Variants in CACNA1C observed in about 807,000 individuals in gnomAD.
CACNA1C encodes the protein calcium voltage-gated channel subunit alpha1 C.
A neutral mutation model predicts 229.0 loss-of-function variants in CACNA1C; 30 were observed. The observed-to-expected ratio is 0.13, with a 90% CI of 0.10 to 0.18. CACNA1C has a LOEUF of 0.18. Among genes scored for constraint, CACNA1C ranks in the 10% least tolerant of loss-of-function variants. CACNA1C has a pLI of 1.00. For synonymous variants in CACNA1C, 1,114 were observed against 1,132.5 expected (o/e 0.98, Z 0.33); for missense variants, 1,658 against 2,845.0 (o/e 0.58, Z 9.49).
At chr12:2,418,824 G>A (rs1212106049) in intron 3 of CACNA1C, among the ~76,000 whole-genome samples, 3 of 152,090 alleles carry the variant, frequency 2.0e-5, no homozygotes, top group Non-Finnish European at 4.4e-5. Flanking sequence ...AGCCCATGCT[G>A]ACCCCCAGTG....
At chr12:2,462,016 C>T (rs1034311944) in intron 5 of CACNA1C, among the ~76,000 whole-genome samples, 14 of 152,106 alleles carry the variant, frequency 9.2e-5, no homozygotes, top group Admixed American at 2.0e-4. Context: ...CCAGAGTGAG[C>T]GCCAAAGTCC....
intron 1 of CACNA1C, among the ~76,000 whole-genome samples, chr12:2,023,754 C>G (rs76561017): frequency 0.029 from 4,481 of 152,252 alleles, 96 homozygotes; most frequent in Non-Finnish European, 0.044. Flanking sequence ...AAATGCAGCT[C>G]ACAGCTTATG....
intron 1 of CACNA1C, among the ~76,000 whole-genome samples, chr12:2,098,077 T>C (rs911037967): frequency 6.6e-6 from 1 of 152,214 alleles, no homozygotes; most frequent in African/African-American, 2.4e-5. Flanking sequence ...AAATGAGTGA[T>C]GGGCCTGGGG....
rs1231174420 is a variant in CACNA1C, at chr12:2,003,701, G to A, written c.139+32500G>A. On this transcript the variant is annotated intron_variant, in intron 1 of 46. Coordinates refer to the CACNA1C transcript ENST00000682462. Reference sequence around the variant, plus strand: ...TGCTGCCGTGTAATAATCTTCCCAAGAGCATCAGCTTCCTTCTAAGTGTTA... The same window carrying A: ...TGCTGCCGTGTAATAATCTTCCCAAAAGCATCAGCTTCCTTCTAAGTGTTA... Among the ~76,000 whole-genome samples, 2 of 152,304 alleles carry A rather than the reference G, an allele frequency of 1.3e-5. 1 individual carries two copies. Among genetic ancestry groups the A allele is most frequent in the Middle Eastern group, 6.8e-3 (2 of 294 alleles).
At chr12:2,387,922 T>C (rs2098420827) in intron 3 of CACNA1C, among the ~76,000 whole-genome samples, 1 of 152,162 alleles carries the variant, frequency 6.6e-6, no homozygotes, top group South Asian at 2.1e-4. Context: ...GGAGCCCCCT[T>C]ACCAGATCTG....
At chr12:2,182,976 C>T (rs2154283488) in intron 3 of CACNA1C, among the ~76,000 whole-genome samples, 1 of 152,220 alleles carries the variant, frequency 6.6e-6, no homozygotes, top group East Asian at 1.9e-4. Context: ...CTGTTCTTCA[C>T]CTCTTAAATG....
chr12:2,331,611 G>T (rs55642427), intron 3 of CACNA1C, among the ~76,000 whole-genome samples: 1 of 152,182 alleles, frequency 6.6e-6, no homozygotes, highest in Non-Finnish European at 1.5e-5. Flanking sequence ...ACATACGGAA[G>T]TTAGTGAATA....
At chr12:2,499,914 C>T (rs1568055243) in intron 7 of CACNA1C, among the ~76,000 whole-genome samples, 1 of 152,130 alleles carries the variant, frequency 6.6e-6, no homozygotes. Flanking sequence ...CAGAGCCACC[C>T]AGCTTTGTGT....
chr12:2,595,770 G>A lies in CACNA1C; in HGVS notation c.2664-104G>A. ...CACTTCAGGCCAACAAGCACCTGTT[G>A]CCAGCTGCTGGGGAGAGCTGAGGAG... On this transcript the variant is annotated intron_variant, in intron 19 of 46. Transcript: ENST00000399655. This position sits in a 1 kb window ranked among gnomAD's most constrained non-coding sequence, Gnocchi z 4.1. The A allele has an allele frequency of 9.2e-7, 1 of 1,082,604 alleles. No individual in the cohort carries two copies. The highest frequency in any genetic ancestry group is 1.3e-6 in the Non-Finnish European group (1 of 749,458). The allele number at this position is 1,082,604 out of a possible 1,614,324, so 67.1% of individuals were successfully genotyped here. A position where few individuals can be genotyped will look rare whatever the true frequency, so the allele number is the denominator to read the frequency against.
intron 3 of CACNA1C, among the ~76,000 whole-genome samples, chr12:2,375,651 T>C (rs2098031602): frequency 6.6e-6 from 1 of 152,366 alleles, no homozygotes; most frequent in East Asian, 1.9e-4. Flanking sequence ...GTCTCTTTTC[T>C]TTATACATCA....
Position 2,440,250 on chromosome 12 carries a change from G to A in CACNA1C, c.478-8726G>A, listed in dbSNP as rs553238676. Among the ~76,000 whole-genome samples the A allele has an allele frequency of 5.3e-5, 8 of 152,126 alleles. No homozygotes were observed. In the East Asian group the frequency reaches 7.7e-4, roughly 15 times the overall value. ...CGAAGTTTTTCATCTCCACAAACAG[G>A]AACTCTGTACCTGTTAAGCAGTAAT... is the stretch of plus-strand genomic sequence containing the variant. On this transcript the variant is annotated intron_variant, in intron 3 of 46. Coordinates refer to ENST00000399655, the MANE Select transcript of CACNA1C (RefSeq NM_000719.7).
intron 3 of CACNA1C, among the ~76,000 whole-genome samples, chr12:2,286,101 A>G (rs998702304): frequency 6.6e-6 from 1 of 152,244 alleles, no homozygotes; most frequent in African/African-American, 2.4e-5. Context: ...CAGAGTTATT[A>G]GAATGAACAG....
intron 30 of CACNA1C, among the ~76,000 whole-genome samples, chr12:2,640,763 A>G (rs912029088): frequency 2.6e-5 from 4 of 152,270 alleles, no homozygotes; most frequent in Admixed American, 1.3e-4. Flanking sequence ...ACAACTTCCT[A>G]TAACTGTCAC....
At chr12:2,537,632 G>T (rs553321975) in intron 9 of CACNA1C, among the ~76,000 whole-genome samples, 92 of 152,322 alleles carry the variant, frequency 6.0e-4, no homozygotes, top group African/African-American at 2.1e-3. Context: ...TGACCATCTG[G>T]CATGTGGCAC....
In CACNA1C at chr12:2,654,072, C is replaced by A. The variant is rs973673538; in HGVS notation, c.4140+172C>A. On this transcript the variant is annotated intron_variant, in intron 33 of 46. Coordinates refer to ENST00000399655, the MANE Select transcript of CACNA1C (RefSeq NM_000719.7). The surrounding 1 kb of genome is among the most constrained non-coding windows in gnomAD (Gnocchi z 4.4). Reference sequence around the variant, plus strand: ...AAAAAGCCACAGGAATTGGAACTTTCCCCAAATGGATCTCCTGTAGGTAGC... The same window carrying A: ...AAAAAGCCACAGGAATTGGAACTTTACCCAAATGGATCTCCTGTAGGTAGC... 3.9e-5 allele frequency among the ~76,000 whole-genome samples: 6 copies of A among 152,180 alleles called. No homozygotes were observed. Among genetic ancestry groups the A allele is most frequent in the African/African-American group, 1.4e-4 (6 of 41,420 alleles).
intron 3 of CACNA1C, among the ~76,000 whole-genome samples, chr12:2,161,154 G>A (rs1208134375): frequency 6.6e-6 from 1 of 152,224 alleles, no homozygotes; most frequent in African/African-American, 2.4e-5. Flanking sequence ...AGATGCTTGA[G>A]TTGATAGCTG....
intron 3 of CACNA1C, among the ~76,000 whole-genome samples, chr12:2,446,059 G>A (rs2099274391): frequency 1.3e-5 from 2 of 150,144 alleles, no homozygotes; most frequent in Non-Finnish European, 1.5e-5. Flanking sequence ...GATGGTGGGT[G>A]AGTGGATGAG....
At position 2,646,803 on chromosome 12, in the gene CACNA1C, C is replaced by CGT. The variant is rs1569029050; in HGVS notation, c.3913-1663_3913-1662dup. 6.6e-6 allele frequency among the ~76,000 whole-genome samples: 1 copy of CGT among 151,132 alleles called. No homozygotes were observed. Among genetic ancestry groups the CGT allele is most frequent in the East Asian group, 1.9e-4 (1 of 5,158 alleles). On this transcript the variant is annotated intron_variant, in intron 30 of 46. Transcript: ENST00000399655. The surrounding 1 kb of genome is among the most constrained non-coding windows in gnomAD (Gnocchi z 4.6). ...GAGAGAGAGAGAGTGTGTGTGTGCG[C>CGT]GTGTGTGTGTCTGCCTATGTTTGTC...
chr12:2,472,768 G>T (rs370801029), intron 5 of CACNA1C, among the ~76,000 whole-genome samples: 18 of 151,944 alleles, frequency 1.2e-4, no homozygotes, highest in African/African-American at 4.4e-4. Flanking sequence ...TCTTTTTACC[G>T]AATATTAGAA....
Sources: gnomAD v4.1 joint callset for allele counts (sites outside exome capture counted in the v4.1 genomes callset) on GRCh38, gnomAD v4.1.1 for gene constraint, Gnocchi (gnomAD v3.1) non-coding constraint, MANE v1.5 for transcripts, NCBI Gene and HGNC (gene_info 2026-07-23, HGNC 2026-07-21) for gene names.